TANGO6: variants seen among roughly 807,000 people sequenced by gnomAD.
TANGO6 encodes the protein transport and golgi organization 6 homolog.
In TANGO6, 90 loss-of-function variants were observed where a neutral mutation model predicts 114.2. The ratio of observed to expected loss-of-function variants is 0.79; its 90% CI spans 0.66 to 0.94. The LOEUF (loss-of-function observed/expected upper bound fraction) is 0.94. Ranked by LOEUF, TANGO6 falls within the 40% of genes least tolerant of loss-of-function variation. The pLI is 0.00. For synonymous variants in TANGO6, 477 were observed against 509.8 expected (o/e 0.94, Z 0.87); for missense variants, 1,274 against 1,315.3 (o/e 0.97, Z 0.49).
At chr16:68,926,152 G>A (rs980979171) in intron 12 of TANGO6, among the ~76,000 whole-genome samples, 8 of 151,910 alleles carry the variant, frequency 5.3e-5, no homozygotes, top group South Asian at 2.1e-4. Context: ...TGATACAACC[G>A]AGGCACTGAA....
rs749934149 is a variant in TANGO6, at chr16:68,947,065, C to CTCTTAA, written c.2701+16788_2701+16793dup. ...AAATAATTTGAACCATGTTCTTGGC[C>CTCTTAA]TCTTAATCTTAATCTTAATCTTATT... On this transcript the variant is annotated intron_variant, in intron 14 of 17. Coordinates refer to ENST00000261778, the MANE Select transcript of TANGO6 (RefSeq NM_024562.2). 2.6e-5 allele frequency among the ~76,000 whole-genome samples: 4 copies of CTCTTAA among 152,192 alleles called. No homozygotes were observed. The East Asian group carries it at 5.8e-4, about 22-fold the overall frequency.
At chr16:68,859,797 T>G (rs1281901292) in intron 1 of TANGO6, 87 bp from the exon 2 acceptor site, 2 of 1,410,112 alleles carry the variant, frequency 1.4e-6, no homozygotes, top group East Asian at 2.4e-5. Flanking sequence ...CCTGCGAGGA[T>G]GAACTGGAGT....
intron 16 of TANGO6, among the ~76,000 whole-genome samples, chr16:69,027,634 C>A (rs1416872853): frequency 1.3e-5 from 2 of 152,068 alleles, no homozygotes. Flanking sequence ...AGATTTCAGA[C>A]TAGTGTAACT....
In TANGO6 at chr16:68,919,205, G is replaced by A. The variant is rs1347493964; in HGVS notation, c.2113G>A (p.Gly705Arg). The A allele has an allele frequency of 2.5e-6, 4 of 1,612,848 alleles. No individual in the cohort carries two copies. Among genetic ancestry groups the A allele is most frequent in the East Asian group, 4.5e-5 (2 of 44,880 alleles). Reference sequence around the variant, plus strand: ...CATGGGGCTGGTGGCTGTCATGCTAGGAGGAGCTGTTCAGGTGAGTTGTAG... The same window carrying A: ...CATGGGGCTGGTGGCTGTCATGCTAAGAGGAGCTGTTCAGGTGAGTTGTAG... ...MSMGLVAVML[G>R]GAVQLKSSDF... is the part of the protein sequence containing the mutation. Residue 705 changes from glycine (G) to arginine (R), a missense_variant, in exon 12 of 18, where the codon GGA becomes AGA. Physicochemically the swap from Gly to Arg is moderately radical, Grantham distance 125 (BLOSUM62 -2). This residue lies in a region of TANGO6 where 908 missense variants were observed against 910.2 expected (regional missense o/e 1.00). Coordinates refer to ENST00000261778, the MANE Select transcript of TANGO6 (RefSeq NM_024562.2).
At chr16:69,023,203 C>T (rs1040730590) in intron 16 of TANGO6, among the ~76,000 whole-genome samples, 6 of 152,194 alleles carry the variant, frequency 3.9e-5, no homozygotes, top group South Asian at 2.1e-4. Flanking sequence ...CACCTGTAAT[C>T]CCAGCACTTT....
At chr16:69,074,855 A>G (rs56105569) in intron 17 of TANGO6, among the ~76,000 whole-genome samples, 1 of 132,370 alleles carries the variant, frequency 7.6e-6, no homozygotes, top group Non-Finnish European at 1.6e-5. Context: ...TATTATTATT[A>G]TTTTTTTTTG....
At chr16:68,880,506 T>C in intron 6 of TANGO6, 42 bp from the exon 7 acceptor site, 1 of 1,487,992 alleles carries the variant, frequency 6.7e-7, no homozygotes, top group Non-Finnish European at 9.3e-7. Flanking sequence ...TCCTATTCAG[T>C]GAGGCACTAA....
At chr16:68,989,550 A>G (rs1963928852) in intron 15 of TANGO6, among the ~76,000 whole-genome samples, 1 of 152,158 alleles carries the variant, frequency 6.6e-6, no homozygotes, top group South Asian at 2.1e-4. Context: ...GCATAGTTAT[A>G]ATAGCTGCTT....
At chr16:68,844,940 G>A (rs1300632917) in intron 1 of TANGO6, among the ~76,000 whole-genome samples, 4 of 151,304 alleles carry the variant, frequency 2.6e-5, no homozygotes, top group African/African-American at 9.7e-5. Flanking sequence ...TGCTAATCGA[G>A]AGGTCACTTG....
chr16:69,049,090 A>G (rs1390312100), intron 17 of TANGO6, among the ~76,000 whole-genome samples: 3 of 152,174 alleles, frequency 2.0e-5, no homozygotes, highest in Admixed American at 6.5e-5. Context: ...TTGAGACATA[A>G]TTTATATAGT....
intron 9 of TANGO6, 37 bp downstream of exon 9, chr16:68,902,541 T>G (rs374509068): frequency 6.5e-7 from 1 of 1,533,988 alleles, no homozygotes; most frequent in Non-Finnish European, 8.8e-7. Context: ...TCTTCAGATT[T>G]AGTTCCGCCC....
intron 16 of TANGO6, among the ~76,000 whole-genome samples, chr16:69,038,942 G>A (rs1959732528): frequency 1.3e-5 from 2 of 152,148 alleles, no homozygotes; most frequent in African/African-American, 2.4e-5. Context: ...CCAGCACTTT[G>A]GGAGGCCGAG....
chr16:68,980,435 A>ATATATATT (rs1317961639), intron 15 of TANGO6, among the ~76,000 whole-genome samples: 5 of 61,774 alleles, frequency 8.1e-5, no homozygotes, highest in Non-Finnish European at 1.5e-4. Context: ...ATATATATAT[A>ATATATATT]TTTTTTTTTT....
At chr16:69,046,395 C>A (rs1959858932) in intron 17 of TANGO6, among the ~76,000 whole-genome samples, 1 of 151,626 alleles carries the variant, frequency 6.6e-6, no homozygotes, top group Admixed American at 6.6e-5. Flanking sequence ...TCTCGGCTCA[C>A]TGCAACGTCT....
intron 15 of TANGO6, among the ~76,000 whole-genome samples, chr16:68,994,141 C>T (rs1415277986): frequency 6.6e-6 from 1 of 152,184 alleles, no homozygotes; most frequent in African/African-American, 2.4e-5. Flanking sequence ...CTGGCATCTC[C>T]TGTTTCAAAT....
At chr16:69,024,513 C>T (rs553745026) in intron 16 of TANGO6, among the ~76,000 whole-genome samples, 5 of 152,062 alleles carry the variant, frequency 3.3e-5, no homozygotes, top group African/African-American at 9.6e-5. Flanking sequence ...GTGATCTGCT[C>T]GCCTCGGCCT....
chr16:68,891,570 C>A (rs543505692), intron 7 of TANGO6, among the ~76,000 whole-genome samples: 2 of 152,250 alleles, frequency 1.3e-5, no homozygotes, highest in East Asian at 3.9e-4. Context: ...ATGTTTTTGA[C>A]CATTTTGATT....
At chr16:68,968,127 G>A (rs1035586642) in intron 14 of TANGO6, among the ~76,000 whole-genome samples, 9 of 151,842 alleles carry the variant, frequency 5.9e-5, no homozygotes, top group African/African-American at 1.7e-4. Flanking sequence ...GTGCAGTGGC[G>A]CCATCTCGGT....
chr16:68,981,850 G>C lies in TANGO6; in HGVS notation c.2842+7682G>C, dbSNP rs74025351. ...CATTTTAGATTTTAGGATTAGGGATGCTCAACCAGTATATATTCTGCAAAT... is the reference window on the plus strand; with the variant it reads ...CATTTTAGATTTTAGGATTAGGGATCCTCAACCAGTATATATTCTGCAAAT... On this transcript the variant is annotated intron_variant, in intron 15 of 17. Transcript: ENST00000261778. 5.8e-3 allele frequency among the ~76,000 whole-genome samples: 880 copies of C among 152,260 alleles called. 12 individuals carry two copies. The highest frequency in any genetic ancestry group is 0.02 in the African/African-American group (843 of 41,548).
Sources: allele counts gnomAD v4.1 joint callset (sites outside exome capture counted in the v4.1 genomes callset), GRCh38; gene constraint gnomAD v4.1.1; regional missense constraint gnomAD v4.1.1; transcripts MANE v1.5; gene names NCBI Gene and HGNC (gene_info 2026-07-23, HGNC 2026-07-21).